VWC2L: variants seen among roughly 807,000 people sequenced by gnomAD.
VWC2L encodes von Willebrand factor C domain-containing protein 2-like.
A neutral mutation model predicts 21.6 loss-of-function variants in VWC2L; 10 were observed. The observed-to-expected ratio is 0.46, with a 90% CI of 0.29 to 0.78. VWC2L has a LOEUF of 0.78. Ranked by LOEUF, VWC2L falls within the 30% of genes least tolerant of loss-of-function variation. The pLI is 0.10. For synonymous variants in VWC2L, 96 were observed against 94.3 expected, an observed-to-expected ratio of 1.02 and a Z score of -0.10; for missense variants, 209 against 277.1, an observed-to-expected ratio of 0.75 and a Z score of 1.74.
chr2:214,476,813 A>G lies in VWC2L; in HGVS notation c.520+40055A>G, dbSNP rs532699936. On this transcript the variant is annotated intron_variant, in intron 3 of 3. Coordinates refer to ENST00000312504, the MANE Select transcript of VWC2L (RefSeq NM_001080500.4). ...TCTCTCCCTTTTAAGATATTGAAGT[A>G]TTTTGGTATTTCATCTACTTATTAA... Among the ~76,000 whole-genome samples the G allele has an allele frequency of 3.3e-5, 5 of 152,174 alleles. No individual in the cohort carries two copies. The South Asian group carries it at 1.0e-3, about 32-fold the overall frequency.
At chr2:214,519,101 C>T (rs975201892) in intron 3 of VWC2L, among the ~76,000 whole-genome samples, 1 of 152,160 alleles carries the variant, frequency 6.6e-6, no homozygotes, top group African/African-American at 2.4e-5. Context: ...GCATGAAAGA[C>T]ATGCTGCTTT....
rs140273517 is a variant in VWC2L, at chr2:214,427,625, T to C, written c.391-9004T>C. ...TTTCAAAACTCTGAAAGATGTACAA[T>C]TGTCCCTGGGTATACACACACAGAG... On this transcript the variant is annotated intron_variant, in intron 2 of 3. Transcript: ENST00000312504. 3.2e-3 allele frequency among the ~76,000 whole-genome samples: 483 copies of C among 152,290 alleles called. 2 individuals are homozygous for C. The highest frequency in any genetic ancestry group is 0.011 in the African/African-American group (438 of 41,544).
intron 3 of VWC2L, among the ~76,000 whole-genome samples, chr2:214,477,737 G>C (rs1559302609): frequency 6.6e-6 from 1 of 152,200 alleles, no homozygotes; most frequent in African/African-American, 2.4e-5. Flanking sequence ...CTTAATTCCT[G>C]TGTTATGCTG....
chr2:214,475,507 A>T (rs1221914786), intron 3 of VWC2L, among the ~76,000 whole-genome samples: 1 of 152,112 alleles, frequency 6.6e-6, no homozygotes, highest in African/African-American at 2.4e-5. Flanking sequence ...TACCCATATT[A>T]TTTTTAAAAT....
At chr2:214,493,613 ATG>A in intron 3 of VWC2L, among the ~76,000 whole-genome samples, 1 of 152,128 alleles carries the variant, frequency 6.6e-6, no homozygotes, top group Non-Finnish European at 1.5e-5. Context: ...GAAAGAGGAA[ATG>A]TCTTTCTAAC....
At chr2:214,450,697 AG>A (rs888892475) in intron 3 of VWC2L, among the ~76,000 whole-genome samples, 1 of 152,202 alleles carries the variant, frequency 6.6e-6, no homozygotes, top group African/African-American at 2.4e-5. Context: ...AGATGCCTGT[AG>A]GATGAGTCAG....
At chr2:214,422,323 T>TG (rs1702455524) in intron 2 of VWC2L, among the ~76,000 whole-genome samples, 6 of 142,900 alleles carry the variant, frequency 4.2e-5, no homozygotes, top group Admixed American at 6.9e-5. Context: ...GTGTGTGTGT[T>TG]AAACTGGAAG....
chr2:214,436,437 C>A, intron 2 of VWC2L, 192 bp from the exon 3 acceptor site: 3 of 592,044 alleles, frequency 5.1e-6, no homozygotes, highest in Non-Finnish European at 8.5e-6. Flanking sequence ...AACCTGAGTG[C>A]AGGTTGTAAT....
At chr2:214,444,013 C>T (rs1296311393) in intron 3 of VWC2L, among the ~76,000 whole-genome samples, 1 of 152,040 alleles carries the variant, frequency 6.6e-6, no homozygotes, top group Non-Finnish European at 1.5e-5. Flanking sequence ...GATGTCAAAA[C>T]ATTTATATAT....
chr2:214,500,232 T>A (rs919878978), intron 3 of VWC2L, among the ~76,000 whole-genome samples: 9 of 152,248 alleles, frequency 5.9e-5, no homozygotes, highest in African/African-American at 1.9e-4. Context: ...ACTATTATTT[T>A]TCTGCTCTGA....
chr2:214,561,016 C>G (rs1689958568), intron 3 of VWC2L, among the ~76,000 whole-genome samples: 1 of 152,210 alleles, frequency 6.6e-6, no homozygotes, highest in African/African-American at 2.4e-5. Flanking sequence ...AAAACTCAGA[C>G]TATGTTCTCT....
intron 3 of VWC2L, among the ~76,000 whole-genome samples, chr2:214,506,276 G>T (rs1688966723): frequency 6.6e-6 from 1 of 152,228 alleles, no homozygotes; most frequent in African/African-American, 2.4e-5. Context: ...CATTTGAAAA[G>T]CTTTTATAGA....
intron 3 of VWC2L, among the ~76,000 whole-genome samples, chr2:214,559,262 GA>G (rs1574636151): frequency 6.6e-6 from 1 of 152,088 alleles, no homozygotes; most frequent in East Asian, 1.9e-4. Flanking sequence ...GGCCATCAGA[GA>G]AATGCAAATC....
rs1574600705 is a variant in VWC2L at position 214,501,528 on chromosome 2, C to A, written c.520+64770C>A. Among the ~76,000 whole-genome samples, 3 of 152,018 alleles carry A rather than the reference C, an allele frequency of 2.0e-5. No individual in the cohort carries two copies. In the East Asian group the frequency reaches 5.8e-4, roughly 29 times the overall value. ...CCTGAGGTCAGGAGCTCGAGACCAG[C>A]CTGGCCAACATGGTGAAACCCCATC... On this transcript the variant is annotated intron_variant, in intron 3 of 3. Transcript: ENST00000312504.
intron 2 of VWC2L, among the ~76,000 whole-genome samples, chr2:214,420,933 GTGAT>G (rs1393321067): frequency 6.6e-6 from 1 of 152,206 alleles, no homozygotes; most frequent in Admixed American, 6.5e-5. Flanking sequence ...CAAAATAACA[GTGAT>G]TGAGACCTTA....
chr2:214,510,106 A>T (rs1689030680), intron 3 of VWC2L: 1 of 152,202 alleles, frequency 6.6e-6, no homozygotes, highest in Non-Finnish European at 1.5e-5. Context: ...TTTTAAATTA[A>T]ATCCCAAGCT....
intron 3 of VWC2L, among the ~76,000 whole-genome samples, chr2:214,488,510 G>T (rs1386363634): frequency 6.6e-6 from 1 of 152,068 alleles, no homozygotes; most frequent in Non-Finnish European, 1.5e-5. Flanking sequence ...GAGGCAGGAG[G>T]ATCACTTGAG....
intron 3 of VWC2L, among the ~76,000 whole-genome samples, chr2:214,517,209 C>G (rs1197365568): frequency 1.3e-5 from 2 of 152,210 alleles, no homozygotes; most frequent in Non-Finnish European, 2.9e-5. Context: ...AAAATACTTT[C>G]TTCACTTGGC....
At chr2:214,532,088 A>G (rs945135417) in intron 3 of VWC2L, among the ~76,000 whole-genome samples, 2 of 152,170 alleles carry the variant, frequency 1.3e-5, no homozygotes, top group African/African-American at 2.4e-5. Context: ...CATGAAATGC[A>G]AAGGTAACCA....
Sources: allele counts gnomAD v4.1 joint callset (sites outside exome capture counted in the v4.1 genomes callset), GRCh38; gene constraint gnomAD v4.1.1; transcripts MANE v1.5; gene names NCBI Gene and HGNC (gene_info 2026-07-23, HGNC 2026-07-21).